COL9A1: variants seen among roughly 807,000 people sequenced by gnomAD.
The protein encoded by COL9A1 is collagen type IX alpha 1 chain.
COL9A1 carries 104 observed loss-of-function variants against 142.6 expected under a neutral mutation model. The ratio of observed to expected loss-of-function variants is 0.73; its 90% CI spans 0.62 to 0.86. COL9A1 has a LOEUF of 0.86. Ranked by LOEUF, COL9A1 falls within the 40% of genes least tolerant of loss-of-function variation. The probability of loss-of-function intolerance (pLI) is 0.00; values close to 1 mark genes in which losing one functional copy is unlikely to be tolerated. For missense variants in COL9A1, 1,210 were observed against 1,176.6 expected, an observed-to-expected ratio of 1.03 and a Z score of -0.42; for synonymous variants, 466 against 396.0, an observed-to-expected ratio of 1.18 and a Z score of -2.10.
intron 28 of COL9A1, among the ~76,000 whole-genome samples, chr6:70,244,611 T>G (rs146345313): frequency 6.6e-6 from 1 of 152,348 alleles, no homozygotes; most frequent in African/African-American, 2.4e-5. Flanking sequence ...TGGCACATTC[T>G]CAAGTATTCA....
At chr6:70,227,746 G>C (rs917954791) in intron 36 of COL9A1, among the ~76,000 whole-genome samples, 1 of 152,054 alleles carries the variant, frequency 6.6e-6, no homozygotes, top group Non-Finnish European at 1.5e-5. Context: ...AACAATCTAT[G>C]TCCATTAAAA....
intron 5 of COL9A1, among the ~76,000 whole-genome samples, chr6:70,289,627 C>T (rs1015850942): frequency 2.6e-5 from 4 of 152,060 alleles, no homozygotes; most frequent in African/African-American, 4.8e-5. Context: ...TATTTCCTAA[C>T]GATATGTATA....
In COL9A1 at chr6:70,216,145, T is replaced by A. The variant is rs1182340631; in HGVS notation, c.*752A>T. On this transcript the variant is annotated 3_prime_UTR_variant, in exon 38 of 38. Coordinates refer to ENST00000357250, the MANE Select transcript of COL9A1 (RefSeq NM_001851.6). ...AAGAGATTAAGAAACCATATTTATTTCTTCTTTGGTACAACCAGAGATGTT... is the reference window on the plus strand; with the variant it reads ...AAGAGATTAAGAAACCATATTTATTACTTCTTTGGTACAACCAGAGATGTT... 1 of 152,638 alleles carries A rather than the reference T, an allele frequency of 6.6e-6. No homozygotes were observed. Among genetic ancestry groups the A allele is most frequent in the Non-Finnish European group, 1.5e-5 (1 of 68,040 alleles). 9.5% of individuals were successfully genotyped at this position (152,638 alleles called of 1,614,324 possible).
chr6:70,296,160 A>C (rs971767157), intron 4 of COL9A1, among the ~76,000 whole-genome samples: 7 of 152,184 alleles, frequency 4.6e-5, no homozygotes, highest in Non-Finnish European at 7.4e-5. Context: ...CAACTATCTC[A>C]ACAAATTTTA....
intron 16 of COL9A1, among the ~76,000 whole-genome samples, chr6:70,269,093 C>G (rs530336671): frequency 4.5e-4 from 68 of 152,280 alleles, no homozygotes; most frequent in Admixed American, 1.3e-3. Flanking sequence ...TACCCTCCCC[C>G]ATGAATGTAC....
At position 70,255,362 on chromosome 6, in the gene COL9A1, C is replaced by T; in HGVS notation, c.1532G>A (p.Gly511Glu). Reference protein sequence around the residue: ...PGDQGQRGPPGEAGPKGDRGA... With the variant: ...PGDQGQRGPPEEAGPKGDRGA... Reference sequence around the variant, plus strand: ...TCTATCTCCTTTGGGACCTGCTTCTCCTGGAGGTCCTCGCTGTCCTTGATC... The same window carrying T: ...TCTATCTCCTTTGGGACCTGCTTCTTCTGGAGGTCCTCGCTGTCCTTGATC... Residue 511 changes from glycine to glutamate, a missense_variant, in exon 22 of 38, where the codon GGA becomes GAA. Physicochemically the swap from Gly to Glu is moderately conservative, Grantham distance 98 (BLOSUM62 -2). Coordinates refer to ENST00000357250, the MANE Select transcript of COL9A1 (RefSeq NM_001851.6). 7 of 1,614,146 alleles carry T rather than the reference C, an allele frequency of 4.3e-6. No homozygotes were observed. The highest frequency in any genetic ancestry group is 5.9e-6 in the Non-Finnish European group (7 of 1,179,994).
intron 17 of COL9A1, among the ~76,000 whole-genome samples, chr6:70,267,301 T>G (rs1772075690): frequency 1.3e-5 from 2 of 150,306 alleles, no homozygotes; most frequent in African/African-American, 4.9e-5. Flanking sequence ...CTGTACATTT[T>G]TTGTTGTTGT....
Position 70,255,021 on chromosome 6 carries a change from A to G in COL9A1, c.1612-5T>C. 1.9e-6 allele frequency: 3 copies of G among 1,614,114 alleles called. No homozygotes were observed. Among genetic ancestry groups the G allele is most frequent in the Non-Finnish European group, 2.5e-6 (3 of 1,179,982 alleles). On this transcript the variant is annotated splice_region_variant and splice_polypyrimidine_tract_variant and intron_variant, in intron 23 of 37. Transcript: ENST00000357250. ...GCCATCCACACCTGGCAAACCCTAA[A>G]CACACACAAAGAAACATACTGTCTC... is the stretch of plus-strand genomic sequence containing the variant.
intron 5 of COL9A1, among the ~76,000 whole-genome samples, chr6:70,285,375 G>A (rs1032237233): frequency 1.3e-5 from 2 of 152,174 alleles, no homozygotes; most frequent in Non-Finnish European, 2.9e-5. Context: ...ATTCCAATTT[G>A]CATGCTGATT....
intron 2 of COL9A1, among the ~76,000 whole-genome samples, chr6:70,301,358 C>T (rs1774055226): frequency 1.3e-5 from 2 of 152,104 alleles, no homozygotes; most frequent in Admixed American, 1.3e-4. Flanking sequence ...GGTAGATCAC[C>T]TGAGGTCAGG....
chr6:70,222,993 A>T (rs1562285190), intron 37 of COL9A1, among the ~76,000 whole-genome samples: 1 of 152,214 alleles, frequency 6.6e-6, no homozygotes, highest in Non-Finnish European at 1.5e-5. Flanking sequence ...CCAAGAAATA[A>T]AAAGCAGTAT....
intron 21 of COL9A1, 66 bp downstream of exon 21, chr6:70,256,702 A>T (rs1771317936): frequency 1.5e-6 from 2 of 1,320,482 alleles, no homozygotes; most frequent in Non-Finnish European, 2.2e-6. Flanking sequence ...AATACTGCAC[A>T]CACATGCATA....
chr6:70,279,962 A>G (rs1773033358), intron 10 of COL9A1: 1 of 680,748 alleles, frequency 1.5e-6, no homozygotes, highest in Non-Finnish European at 2.7e-6. Context: ...CTAAGAACAG[A>G]CGCCATTTCT....
intron 2 of COL9A1, 73 bp from the exon 3 acceptor site, chr6:70,300,459 A>T (rs1562334545): frequency 1.0e-5 from 6 of 571,618 alleles, no homozygotes; most frequent in Non-Finnish European, 1.6e-5. Context: ...AAATAAAATA[A>T]AATAATAATA....
intron 7 of COL9A1, 101 bp downstream of exon 7, chr6:70,282,796 TG>T (rs1453971992): frequency 7.7e-6 from 12 of 1,566,372 alleles, no homozygotes; most frequent in Admixed American, 1.7e-5. Flanking sequence ...CTGAGAGCCC[TG>T]GGGATGCTCC....
chr6:70,265,937 T>C (rs577717350), intron 18 of COL9A1, among the ~76,000 whole-genome samples: 1 of 152,142 alleles, frequency 6.6e-6, no homozygotes, highest in Non-Finnish European at 1.5e-5. Flanking sequence ...CACTACCCAA[T>C]AAAGGGGTAG....
At chr6:70,279,518 G>T (rs1772980442) in intron 10 of COL9A1, 1 of 152,580 alleles carries the variant, frequency 6.6e-6, no homozygotes, top group Admixed American at 6.5e-5. Context: ...GAGGGCACCT[G>T]TAATCCCAGC....
At chr6:70,278,409 G>A (rs1407667851) in intron 10 of COL9A1, among the ~76,000 whole-genome samples, 1 of 152,128 alleles carries the variant, frequency 6.6e-6, no homozygotes, top group Non-Finnish European at 1.5e-5. Flanking sequence ...CCTTATTTAT[G>A]GAAAGTAATA....
Position 70,254,531 on chromosome 6 carries a change from T to G in COL9A1, c.1666-2A>C. ...AGGCCCAGGTTTTCCTGGTTCACCCTGCAAAAAAAGCTTTTATCACATGAT... is the reference window on the plus strand; with the variant it reads ...AGGCCCAGGTTTTCCTGGTTCACCCGGCAAAAAAAGCTTTTATCACATGAT... On this transcript the variant is annotated splice_acceptor_variant, in intron 24 of 37. Transcript: ENST00000357250. LOFTEE classifies it high-confidence loss of function. 1 of 1,614,040 alleles carries G rather than the reference T, an allele frequency of 6.2e-7. No homozygotes were observed. Among genetic ancestry groups the G allele is most frequent in the Non-Finnish European group, 8.5e-7 (1 of 1,179,934 alleles).
Sources: allele counts gnomAD v4.1 joint callset (sites outside exome capture counted in the v4.1 genomes callset), GRCh38; gene constraint gnomAD v4.1.1; transcripts MANE v1.5; gene names NCBI Gene and HGNC (gene_info 2026-07-23, HGNC 2026-07-21).